The following MAEA variants were observed in gnomAD, a reference collection of about 807,000 sequenced individuals.
MAEA encodes the protein E3 ubiquitin-protein transferase MAEA.
A neutral mutation model predicts 46.2 loss-of-function variants in MAEA; 22 were observed. That is an observed-to-expected ratio of 0.48 (90% confidence interval 0.34 to 0.68). MAEA has a LOEUF of 0.68. Among genes scored for constraint, MAEA ranks in the 30% least tolerant of loss-of-function variants. The pLI, the probability that MAEA is intolerant of heterozygous loss-of-function variation, is 0.01. For missense variants in MAEA, 393 were observed against 558.1 expected (o/e 0.70, Z 2.98); for synonymous variants, 246 against 222.6 (o/e 1.11, Z -0.94).
At chr4:1,334,371 G>A (rs1209711004) in intron 6 of MAEA, among the ~76,000 whole-genome samples, 1 of 94,802 alleles carries the variant, frequency 1.1e-5, no homozygotes, top group Non-Finnish European at 2.2e-5. Context: ...CCTTCTGAAA[G>A]CTGCTGGAAG....
intron 1 of MAEA, chr4:1,297,978 G>A (rs113239728): frequency 2.7e-4 from 125 of 455,230 alleles, no homozygotes; most frequent in African/African-American, 2.0e-3. Context: ...TGGAAACCCC[G>A]CTGTGCAAGG....
chr4:1,333,074 C>T (rs981453170), intron 6 of MAEA, among the ~76,000 whole-genome samples: 5 of 151,744 alleles, frequency 3.3e-5, no homozygotes, highest in African/African-American at 9.7e-5. Flanking sequence ...GGTGGCTCAC[C>T]CCTGGAATCC....
At chr4:1,296,861 A>T (rs906318021) in intron 1 of MAEA, among the ~76,000 whole-genome samples, 2 of 150,178 alleles carry the variant, frequency 1.3e-5, no homozygotes, top group African/African-American at 4.9e-5. Context: ...GGCTCTCCCC[A>T]CCCCTCGCTG....
intron 8 of MAEA, 86 bp from the exon 9 acceptor site, chr4:1,338,988 G>A (rs777510213): frequency 5.8e-5 from 65 of 1,115,022 alleles, no homozygotes; most frequent in Admixed American, 1.4e-4. Context: ...GTCATTCCCT[G>A]GTGGTTCATT....
Position 1,312,140 on chromosome 4 carries a change from G to A in MAEA, c.231G>A (p.Lys77=). 1.9e-6 allele frequency: 3 copies of A among 1,613,956 alleles called. No homozygotes were observed. Among genetic ancestry groups the A allele is most frequent in the Non-Finnish European group, 2.5e-6 (3 of 1,180,040 alleles). Reference sequence around the variant, plus strand: ...GCCTGCTGGACGGCGTGGTGGAGAAGCTCAGCGTCCTCAAGAGGAAGGTTG... The same window carrying A: ...GCCTGCTGGACGGCGTGGTGGAGAAACTCAGCGTCCTCAAGAGGAAGGTTG... ...VVSLLDGVVE[K]LSVLKRKAVE... is the part of the protein sequence containing the mutation. Residue 77 remains lysine (K), a synonymous_variant, in exon 2 of 9, where the codon AAG becomes AAA. Coordinates refer to ENST00000303400, the MANE Select transcript of MAEA (RefSeq NM_001017405.3).
chr4:1,327,607 C>T lies in MAEA; in HGVS notation c.580-20C>T, dbSNP rs762769772. On this transcript the variant is annotated intron_variant, in intron 4 of 8. Coordinates refer to ENST00000303400, the MANE Select transcript of MAEA (RefSeq NM_001017405.3). The stretch of plus-strand genomic sequence containing the variant: ...CTGTGGGATGTGCTGTCTAAGCCCT[C>T]GTCTTGTCTTTGCCCTCAGAGCTGC... 2.4e-5 allele frequency: 39 copies of T among 1,599,534 alleles called. No homozygotes were observed. The highest frequency in any genetic ancestry group is 2.0e-4 in the South Asian group (18 of 90,784).
intron 5 of MAEA, among the ~76,000 whole-genome samples, chr4:1,328,156 A>G (rs187807396): frequency 6.6e-6 from 1 of 152,308 alleles, no homozygotes; most frequent in Non-Finnish European, 1.5e-5. Context: ...ACAGCGTGTG[A>G]TGAGGGCACT....
In MAEA at chr4:1,322,377, T is replaced by C; in HGVS notation, c.457-4T>C. 6.2e-7 allele frequency: 1 copy of C among 1,613,784 alleles called. No homozygotes were observed. The highest frequency in any genetic ancestry group is 8.5e-7 in the Non-Finnish European group (1 of 1,179,814). On this transcript the variant is annotated splice_region_variant and splice_polypyrimidine_tract_variant and intron_variant, in intron 3 of 8. Transcript: ENST00000303400. ...CTGATCAGGTGCTGCTTCCTTCCTC[T>C]AAGGACCTAGTGAATATTGAGATGT...
intron 3 of MAEA, among the ~76,000 whole-genome samples, chr4:1,321,198 AAAG>A (rs1738041979): frequency 6.6e-6 from 1 of 152,108 alleles, no homozygotes; most frequent in Admixed American, 6.5e-5. Flanking sequence ...GGGCTTCAGA[AAAG>A]AAATCATCAA....
chr4:1,294,581 C>T (rs1166600040), intron 1 of MAEA, among the ~76,000 whole-genome samples: 1 of 151,804 alleles, frequency 6.6e-6, no homozygotes, highest in Non-Finnish European at 1.5e-5. Context: ...TAGCTTCTCC[C>T]ATACCCCCCT....
At position 1,306,228 on chromosome 4, in the gene MAEA, C is replaced by T. The variant is rs369126791; in HGVS notation, c.70-5751C>T. 3.7e-4 allele frequency among the ~76,000 whole-genome samples: 57 copies of T among 152,362 alleles called. 2 individuals carry two copies. In the Middle Eastern group the frequency reaches 0.037, roughly 100 times the overall value. On this transcript the variant is annotated intron_variant, in intron 1 of 8. Coordinates refer to ENST00000303400, the MANE Select transcript of MAEA (RefSeq NM_001017405.3). ...AATGGACCCATAAAATTCACCATCG[C>T]GCTTTCCGCTGTGGTCTAATTTGCA...
chr4:1,297,459 G>A (rs1187583562), intron 1 of MAEA, among the ~76,000 whole-genome samples: 3 of 148,580 alleles, frequency 2.0e-5, no homozygotes, highest in Non-Finnish European at 4.4e-5. Flanking sequence ...AAGTACGTGC[G>A]TATGTGTGTG....
intron 6 of MAEA, chr4:1,335,045 G>A: frequency 2.0e-6 from 2 of 985,400 alleles, no homozygotes; most frequent in Non-Finnish European, 2.4e-6. Context: ...CTCCCCCCAA[G>A]CTAGAGACTG....
intron 4 of MAEA, among the ~76,000 whole-genome samples, chr4:1,322,950 T>C: frequency 7.4e-6 from 1 of 135,300 alleles, no homozygotes; most frequent in Non-Finnish European, 1.6e-5. Flanking sequence ...CCACTTTTTT[T>C]TTTTTTTTTT....
chr4:1,339,311 TAGGA>T lies in MAEA; in HGVS notation c.*145_*148del, dbSNP rs1319854005. On this transcript the variant is annotated 3_prime_UTR_variant, in exon 9 of 9. Transcript: ENST00000303400. ...ATCCGTGAGCAACGATAAATACTCT[TAGGA>T]AGAGAGAAAATAAGGTTTCATAAGT... 1.6e-6 allele frequency: 1 copy of T among 628,358 alleles called. No homozygotes were observed. The highest frequency in any genetic ancestry group is 2.9e-6 in the Non-Finnish European group (1 of 350,778). The allele number at this position is 628,358 out of a possible 1,614,324, so 38.9% of individuals were successfully genotyped here.
intron 4 of MAEA, among the ~76,000 whole-genome samples, chr4:1,326,094 C>T (rs1171532610): frequency 6.6e-6 from 1 of 152,248 alleles, no homozygotes; most frequent in African/African-American, 2.4e-5. Context: ...CACGCGGAGC[C>T]ACTGCTGTGG....
At chr4:1,335,822 CAG>C (rs1211325188) in intron 6 of MAEA, 7 of 88,330 alleles carry the variant, frequency 7.9e-5, no homozygotes, top group South Asian at 4.4e-4. Context: ...GTTGAAATCA[CAG>C]AGTTAAGTCA....
chr4:1,302,528 GCAGTA>G (rs1398446020), intron 1 of MAEA, among the ~76,000 whole-genome samples: 1 of 152,242 alleles, frequency 6.6e-6, no homozygotes, highest in African/African-American at 2.4e-5. Context: ...AGGCTGGAGT[GCAGTA>G]CAGTGGCGCC....
chr4:1,307,323 C>A lies in MAEA; in HGVS notation c.70-4656C>A, dbSNP rs974875102. ...AGCCATTGAACAAAACTGCCTCCTCCCCACCCCAGCCCCTGGGATCCACCA... is the reference window on the plus strand; with the variant it reads ...AGCCATTGAACAAAACTGCCTCCTCACCACCCCAGCCCCTGGGATCCACCA... On this transcript the variant is annotated intron_variant, in intron 1 of 8. Coordinates refer to ENST00000303400, the MANE Select transcript of MAEA (RefSeq NM_001017405.3). Among the ~76,000 whole-genome samples, 30 of 152,154 alleles carry A rather than the reference C, an allele frequency of 2.0e-4. 1 individual carries two copies. The highest frequency in any genetic ancestry group is 7.0e-4 in the African/African-American group (29 of 41,430).
Sources: allele counts gnomAD v4.1 joint callset (sites outside exome capture counted in the v4.1 genomes callset), GRCh38; gene constraint gnomAD v4.1.1; transcripts MANE v1.5; gene names NCBI Gene and HGNC (gene_info 2026-07-23, HGNC 2026-07-21).